The following DIP2C variants were observed in gnomAD, a reference collection of about 807,000 sequenced individuals.
DIP2C encodes DIP2 acetate--CoA ligase C (putative).
In DIP2C, 33 loss-of-function variants were observed where a neutral mutation model predicts 192.4. The observed-to-expected ratio is 0.17, with a 90% CI of 0.13 to 0.23. The LOEUF is 0.23. DIP2C is among the 10% of genes least tolerant of loss of function. The probability of loss-of-function intolerance (pLI) is 1.00; values close to 1 mark genes in which losing one functional copy is unlikely to be tolerated. For synonymous variants in DIP2C, 979 were observed against 864.1 expected, an observed-to-expected ratio of 1.13 and a Z score of -2.33; for missense variants, 1,537 against 2,110.1, an observed-to-expected ratio of 0.73 and a Z score of 5.32.
At chr10:380,584 G>T (rs992584308) in intron 17 of DIP2C, among the ~76,000 whole-genome samples, 8 of 152,250 alleles carry the variant, frequency 5.3e-5, no homozygotes, top group African/African-American at 1.9e-4. Flanking sequence ...GTCCTCTACA[G>T]ACCCTTCTCT....
intron 28 of DIP2C, among the ~76,000 whole-genome samples, chr10:341,648 C>A (rs1192391128): frequency 6.6e-6 from 1 of 152,182 alleles, no homozygotes; most frequent in Admixed American, 6.5e-5. Flanking sequence ...AGGATACCTA[C>A]AAGACAATAA....
chr10:670,913 T>A (rs1420330244), intron 1 of DIP2C, among the ~76,000 whole-genome samples: 1 of 152,182 alleles, frequency 6.6e-6, no homozygotes, highest in East Asian at 1.9e-4. Context: ...GAAGTAAACA[T>A]GTAGAGAGAA....
chr10:308,734 C>CA (rs1165919520), intron 32 of DIP2C, among the ~76,000 whole-genome samples: 1 of 152,202 alleles, frequency 6.6e-6, no homozygotes, highest in African/African-American at 2.4e-5. Context: ...ACGTGGCCAC[C>CA]ACTCTTCTGT....
intron 4 of DIP2C, among the ~76,000 whole-genome samples, chr10:426,757 G>A (rs1480763224): frequency 6.6e-6 from 1 of 152,142 alleles, no homozygotes; most frequent in Non-Finnish European, 1.5e-5. Context: ...GAGAAAGGTA[G>A]TATTTTTTTC....
Position 636,451 on chromosome 10 carries a change from G to A in DIP2C, c.85+53043C>T, listed in dbSNP as rs982936088. Among the ~76,000 whole-genome samples, 6 of 152,040 alleles carry A rather than the reference G, an allele frequency of 3.9e-5. No individual in the cohort carries two copies. The highest frequency in any genetic ancestry group is 2.1e-4 in the South Asian group (1 of 4,818). ...GTAGATTATACAGAGAGACAGATTCGTTTCTCCTCTGGAGCCAGTTGAAGG... is the reference window on the plus strand; with the variant it reads ...GTAGATTATACAGAGAGACAGATTCATTTCTCCTCTGGAGCCAGTTGAAGG... On this transcript the variant is annotated intron_variant, in intron 1 of 36. Coordinates refer to ENST00000280886, the MANE Select transcript of DIP2C (RefSeq NM_014974.3). The surrounding 1 kb of genome is among the most constrained non-coding windows in gnomAD (Gnocchi z 4.6).
intron 1 of DIP2C, among the ~76,000 whole-genome samples, chr10:506,259 G>A (rs1452344530): frequency 6.6e-6 from 1 of 152,154 alleles, no homozygotes; most frequent in African/African-American, 2.4e-5. Flanking sequence ...CAGGACTTCT[G>A]CATGAAGCTA....
At chr10:518,065 C>T (rs1011026404) in intron 1 of DIP2C, among the ~76,000 whole-genome samples, 5 of 152,226 alleles carry the variant, frequency 3.3e-5, no homozygotes, top group Non-Finnish European at 7.3e-5. Context: ...GGAAAGCACA[C>T]CCCGATATCA....
At chr10:596,496 C>CAAAAAAAAAAAA (rs56298679) in intron 1 of DIP2C, among the ~76,000 whole-genome samples, 20 of 52,934 alleles carry the variant, frequency 3.8e-4, no homozygotes, top group African/African-American at 5.9e-4. Context: ...AACTCCATCT[C>CAAAAAAAAAAAA]AAAAAAAAAA....
chr10:362,031 C>T (rs1397726187), intron 22 of DIP2C, among the ~76,000 whole-genome samples: 1 of 150,646 alleles, frequency 6.6e-6, no homozygotes, highest in African/African-American at 2.4e-5. Context: ...CTGTGCCAAT[C>T]AAACACCAGA....
intron 1 of DIP2C, among the ~76,000 whole-genome samples, chr10:614,151 T>C (rs1853286139): frequency 6.6e-6 from 1 of 152,160 alleles, no homozygotes. Context: ...CATGGAGGCA[T>C]GTCAGGTTCC....
intron 29 of DIP2C, among the ~76,000 whole-genome samples, chr10:340,074 G>C (rs1055283483): frequency 1.3e-5 from 2 of 151,904 alleles, no homozygotes; most frequent in African/African-American, 4.8e-5. Context: ...CCAGCTACTC[G>C]GGAGGCTGAG....
At chr10:308,355 TCACTTC>T (rs1401157775) in intron 32 of DIP2C, among the ~76,000 whole-genome samples, 2 of 151,858 alleles carry the variant, frequency 1.3e-5, no homozygotes, top group African/African-American at 4.9e-5. Flanking sequence ...CTATGTACTC[TCACTTC>T]CATTTCAGAT....
intron 31 of DIP2C, among the ~76,000 whole-genome samples, chr10:313,446 T>G (rs1162116698): frequency 6.6e-6 from 1 of 151,262 alleles, no homozygotes; most frequent in African/African-American, 2.4e-5. Context: ...CATGTTTAGA[T>G]TTAACCAACC....
At chr10:339,412 T>C (rs925559706) in intron 29 of DIP2C, among the ~76,000 whole-genome samples, 7 of 152,324 alleles carry the variant, frequency 4.6e-5, no homozygotes, top group Admixed American at 3.9e-4. Context: ...TTGTCAAATT[T>C]CATCGCAACC....
chr10:451,152 C>G (rs1382386232), intron 3 of DIP2C, among the ~76,000 whole-genome samples: 1 of 152,178 alleles, frequency 6.6e-6, no homozygotes, highest in African/African-American at 2.4e-5. Context: ...TACACCACAT[C>G]CGGAACAGGC....
intron 1 of DIP2C, among the ~76,000 whole-genome samples, chr10:600,546 G>A (rs1851999229): frequency 6.6e-6 from 1 of 151,970 alleles, no homozygotes; most frequent in Admixed American, 6.6e-5. Context: ...CCTTAAAGAG[G>A]ACGGCCCAGG....
chr10:543,357 T>C (rs926821026), intron 1 of DIP2C, among the ~76,000 whole-genome samples: 4 of 152,250 alleles, frequency 2.6e-5, no homozygotes, highest in Non-Finnish European at 5.9e-5. Context: ...TGGGTAACCC[T>C]GTTAGGAGCT....
At chr10:520,006 C>T (rs757016444) in intron 1 of DIP2C, among the ~76,000 whole-genome samples, 5 of 152,236 alleles carry the variant, frequency 3.3e-5, no homozygotes, top group Non-Finnish European at 7.3e-5. Context: ...CTCGGAGTAA[C>T]AGCGATGGTT....
At chr10:610,759 A>C (rs112254112) in intron 1 of DIP2C, among the ~76,000 whole-genome samples, 142 of 145,848 alleles carry the variant, frequency 9.7e-4, no homozygotes, top group African/African-American at 3.1e-3. Context: ...CTAACCCCCC[A>C]GTGTTGGAGG....
Sources: gnomAD v4.1 joint callset for allele counts (sites outside exome capture counted in the v4.1 genomes callset) on GRCh38, gnomAD v4.1.1 for gene constraint, Gnocchi (gnomAD v3.1) non-coding constraint, MANE v1.5 for transcripts, NCBI Gene and HGNC (gene_info 2026-07-23, HGNC 2026-07-21) for gene names.